Variants in ARHGAP22 observed in about 807,000 individuals in gnomAD.
ARHGAP22 encodes rho GTPase-activating protein 22.
ARHGAP22 carries 48 observed loss-of-function variants against 59.1 expected under a neutral mutation model. The observed-to-expected ratio is 0.81, with a 90% CI of 0.64 to 1.03. ARHGAP22 has a LOEUF of 1.03. Among genes scored for constraint, ARHGAP22 ranks in the 50% least tolerant of loss-of-function variants. The pLI, the probability that ARHGAP22 is intolerant of heterozygous loss-of-function variation, is 0.00. For missense variants in ARHGAP22, 1,015 were observed against 958.7 expected (o/e 1.06, Z -0.78); for synonymous variants, 445 against 416.4 (o/e 1.07, Z -0.84).
At chr10:48,446,686 C>T in intron 9 of ARHGAP22, 67 bp from the exon 10 acceptor site, 2 of 1,477,808 alleles carry the variant, frequency 1.4e-6, no homozygotes, top group Non-Finnish European at 1.8e-6. Context: ...ATGGGTATAC[C>T]ATGCTTGTGC....
chr10:48,473,994 G>A (rs1272964377), intron 4 of ARHGAP22, among the ~76,000 whole-genome samples: 1 of 152,208 alleles, frequency 6.6e-6, no homozygotes, highest in Non-Finnish European at 1.5e-5. Context: ...TCCTTCTGGG[G>A]CTGCGTTCCC....
At chr10:48,581,731 C>T (rs750234766) in intron 2 of ARHGAP22, among the ~76,000 whole-genome samples, 4 of 152,208 alleles carry the variant, frequency 2.6e-5, no homozygotes, top group East Asian at 3.8e-4. Flanking sequence ...AGTGCATTCA[C>T]GTTGCTGTGA....
At chr10:48,545,789 A>G (rs1488463334) in intron 3 of ARHGAP22, among the ~76,000 whole-genome samples, 1 of 152,230 alleles carries the variant, frequency 6.6e-6, no homozygotes, top group Non-Finnish European at 1.5e-5. Flanking sequence ...TACAAGCTCC[A>G]TGCCTGAGGG....
intron 3 of ARHGAP22, among the ~76,000 whole-genome samples, chr10:48,539,946 C>A (rs1323166774): frequency 6.6e-6 from 1 of 152,204 alleles, no homozygotes; most frequent in Non-Finnish European, 1.5e-5. Flanking sequence ...ACACGTTTAA[C>A]ATCCTACATG....
chr10:48,545,348 C>T (rs1054984972), intron 3 of ARHGAP22, among the ~76,000 whole-genome samples: 1 of 152,238 alleles, frequency 6.6e-6, no homozygotes, highest in African/African-American at 2.4e-5. Context: ...GAGTTTCCCA[C>T]ACCTGGTCCT....
At position 48,582,940 on chromosome 10, in the gene ARHGAP22, A is replaced by G; in HGVS notation, c.234+13T>C. The G allele has an allele frequency of 1.2e-6, 2 of 1,614,036 alleles. No individual in the cohort carries two copies. The highest frequency in any genetic ancestry group is 1.7e-6 in the Non-Finnish European group (2 of 1,179,896). On this transcript the variant is annotated intron_variant, in intron 2 of 9. Transcript: ENST00000249601. ...CCACGATGCCCACGGCACACCGGAC[A>G]TGCACTTCTCACCTGGGGCTTGATC...
intron 3 of ARHGAP22, among the ~76,000 whole-genome samples, chr10:48,505,183 A>T (rs2051972187): frequency 6.6e-6 from 1 of 152,156 alleles, no homozygotes; most frequent in Admixed American, 6.5e-5. Context: ...CTTCCTGAGT[A>T]GCTGGGATTA....
intron 2 of ARHGAP22, among the ~76,000 whole-genome samples, chr10:48,573,989 T>A (rs1277154822): frequency 1.3e-5 from 2 of 152,232 alleles, no homozygotes; most frequent in African/African-American, 4.8e-5. Context: ...TGTGAATGTT[T>A]ATTGAACAAG....
chr10:48,505,488 ACT>A (rs1032000258), intron 3 of ARHGAP22, among the ~76,000 whole-genome samples: 1 of 151,554 alleles, frequency 6.6e-6, no homozygotes, highest in African/African-American at 2.4e-5. Context: ...CGTGCGCCTG[ACT>A]CTGCTCTCCT....
At chr10:48,445,353 AG>A (rs2133471038), downstream of ARHGAP22, 1 of 152,472 alleles carries the variant, frequency 6.6e-6, no homozygotes, top group African/African-American at 2.4e-5. Flanking sequence ...GGACACCGTG[AG>A]GGGAGCAGGT....
chr10:48,564,770 T>C (rs2057942584), intron 2 of ARHGAP22, among the ~76,000 whole-genome samples: 2 of 152,186 alleles, frequency 1.3e-5, no homozygotes, highest in African/African-American at 4.8e-5. Flanking sequence ...GCATTTAGGG[T>C]GACAGTCCCC....
chr10:48,585,516 G>A (rs1195932449), intron 1 of ARHGAP22, among the ~76,000 whole-genome samples: 1 of 152,156 alleles, frequency 6.6e-6, no homozygotes, highest in African/African-American at 2.4e-5. Context: ...ATATGGCCTG[G>A]GGTATAATAC....
intron 3 of ARHGAP22, among the ~76,000 whole-genome samples, chr10:48,537,465 C>G (rs1303374256): frequency 6.6e-6 from 1 of 152,248 alleles, no homozygotes; most frequent in African/African-American, 2.4e-5. Flanking sequence ...CCAAGCCCAT[C>G]AGGGGAGGCC....
intron 1 of ARHGAP22, among the ~76,000 whole-genome samples, chr10:48,642,055 G>A (rs1002791349): frequency 2.0e-5 from 3 of 152,138 alleles, no homozygotes; most frequent in African/African-American, 7.2e-5. Flanking sequence ...TCTTCAAGGA[G>A]TACTACAAAT....
intron 3 of ARHGAP22, among the ~76,000 whole-genome samples, chr10:48,550,888 G>A (rs549990729): frequency 1.3e-5 from 2 of 152,164 alleles, no homozygotes; most frequent in Non-Finnish European, 2.9e-5. Context: ...GGTCCAGAGT[G>A]TGTGCCACTC....
chr10:48,464,388 C>G (rs2047445919), intron 4 of ARHGAP22, among the ~76,000 whole-genome samples: 1 of 152,196 alleles, frequency 6.6e-6, no homozygotes, highest in Non-Finnish European at 1.5e-5. Flanking sequence ...AACACTTTCC[C>G]AAAACAGGGA....
At chr10:48,480,734 G>A (rs1174330264) in intron 3 of ARHGAP22, among the ~76,000 whole-genome samples, 13 of 152,274 alleles carry the variant, frequency 8.5e-5, no homozygotes, top group African/African-American at 3.1e-4. Flanking sequence ...GTGACTCCAT[G>A]AGGAAGGTAC....
At chr10:48,479,150 C>G (rs894774720) in intron 4 of ARHGAP22, 1 of 159,452 alleles carries the variant, frequency 6.3e-6, no homozygotes, top group African/African-American at 2.4e-5. Flanking sequence ...CGCACGTGTC[C>G]ATGTCTCTGC....
At chr10:48,507,014 C>T (rs921121702) in intron 3 of ARHGAP22, among the ~76,000 whole-genome samples, 1 of 152,216 alleles carries the variant, frequency 6.6e-6, no homozygotes, top group African/African-American at 2.4e-5. Flanking sequence ...CCACGCCCCC[C>T]ACCAGTACCC....
Sources: allele counts gnomAD v4.1 joint callset (sites outside exome capture counted in the v4.1 genomes callset), GRCh38; gene constraint gnomAD v4.1.1; transcripts MANE v1.5; gene names NCBI Gene and HGNC (gene_info 2026-07-23, HGNC 2026-07-21).